Variants in TRIM37 observed in about 807,000 individuals in gnomAD.
TRIM37 encodes the protein tripartite motif containing 37, also known as E3 ubiquitin-protein ligase TRIM37.
TRIM37 carries 80 observed loss-of-function variants against 129.8 expected under a neutral mutation model. The observed-to-expected ratio is 0.62, with a 90% CI of 0.51 to 0.74. The LOEUF (loss-of-function observed/expected upper bound fraction) is 0.74. TRIM37 is among the 30% of genes least tolerant of loss of function. The probability of loss-of-function intolerance (pLI) is 0.00; values close to 1 mark genes in which losing one functional copy is unlikely to be tolerated. For missense variants in TRIM37, 1,054 were observed against 1,176.5 expected (o/e 0.90, Z 1.52); for synonymous variants, 389 against 387.1 (o/e 1.00, Z -0.06).
intron 7 of TRIM37, 28 bp downstream of exon 7, chr17:59,079,726 T>C: frequency 1.2e-6 from 2 of 1,613,366 alleles, no homozygotes; most frequent in Admixed American, 1.7e-5. Flanking sequence ...AAGCACCAGG[T>C]ACCCCAGCAG....
intron 8 of TRIM37, among the ~76,000 whole-genome samples, chr17:59,073,340 C>T (rs1693553640): frequency 6.6e-6 from 1 of 152,076 alleles, no homozygotes; most frequent in African/African-American, 2.4e-5. Flanking sequence ...GTCGCCCAGG[C>T]TGGAGTGCAG....
intron 22 of TRIM37, among the ~76,000 whole-genome samples, chr17:59,004,961 G>C (rs964279394): frequency 1.3e-5 from 2 of 152,214 alleles, no homozygotes; most frequent in African/African-American, 4.8e-5. Flanking sequence ...TTCTAAAAGA[G>C]TGAAGAGTTT....
intron 22 of TRIM37, among the ~76,000 whole-genome samples, chr17:59,009,443 CTT>C (rs61545184): frequency 4.6e-5 from 5 of 107,600 alleles, no homozygotes; most frequent in Admixed American, 1.1e-4. Flanking sequence ...AATTTCTTTT[CTT>C]TTTTTTTTTT....
intron 19 of TRIM37, among the ~76,000 whole-genome samples, chr17:59,021,702 C>T (rs1008264788): frequency 6.6e-6 from 1 of 151,662 alleles, no homozygotes; most frequent in Non-Finnish European, 1.5e-5. Flanking sequence ...ATCTAGTATT[C>T]GTTAGTACAA....
intron 19 of TRIM37, among the ~76,000 whole-genome samples, chr17:59,022,097 G>A (rs1417966848): frequency 6.6e-6 from 1 of 151,920 alleles, no homozygotes; most frequent in Non-Finnish European, 1.5e-5. Context: ...GCATAGAAAA[G>A]GACAAAAACA....
intron 13 of TRIM37, among the ~76,000 whole-genome samples, chr17:59,053,423 G>A (rs113309459): frequency 6.6e-6 from 1 of 152,108 alleles, no homozygotes; most frequent in Admixed American, 6.5e-5. Context: ...TGCTACTATA[G>A]CATTATTTTA....
At chr17:58,972,796 C>T in the TRIM37 span, 2 of 1,511,894 alleles carry the variant, frequency 1.3e-6, no homozygotes, top group Admixed American at 1.7e-5. Flanking sequence ...ATCCTGAATC[C>T]AGTTATTTGC....
intron 13 of TRIM37, among the ~76,000 whole-genome samples, chr17:59,055,062 C>T (rs1038724123): frequency 6.6e-6 from 1 of 151,910 alleles, no homozygotes; most frequent in Non-Finnish European, 1.5e-5. Context: ...TTTGGCCAGA[C>T]GTGGTGGCTC....
chr17:58,969,201 C>T, the TRIM37 span, among the ~76,000 whole-genome samples: 3 of 151,982 alleles, frequency 2.0e-5, no homozygotes, highest in Non-Finnish European at 4.4e-5. Context: ...CCCTCCCTAT[C>T]CCCCCTCCCC....
intron 2 of TRIM37, among the ~76,000 whole-genome samples, chr17:59,101,037 A>G (rs892589828): frequency 2.0e-5 from 3 of 151,614 alleles, no homozygotes; most frequent in African/African-American, 7.3e-5. Context: ...AAAAAAAAAA[A>G]AGAACAAAAC....
At chr17:58,986,785 C>T (rs1168037507) in intron 24 of TRIM37, among the ~76,000 whole-genome samples, 1 of 152,164 alleles carries the variant, frequency 6.6e-6, no homozygotes, top group Non-Finnish European at 1.5e-5. Flanking sequence ...CTGGGATTTA[C>T]AGGTGTGAGA....
intron 2 of TRIM37, among the ~76,000 whole-genome samples, chr17:59,099,421 TC>T (rs1445346700): frequency 1.7e-4 from 26 of 152,130 alleles, no homozygotes; most frequent in Admixed American, 5.9e-4. Context: ...GTACAGACTT[TC>T]TGTTTGGGGT....
intron 5 of TRIM37, among the ~76,000 whole-genome samples, chr17:59,083,615 T>C (rs907686449): frequency 6.6e-6 from 1 of 152,138 alleles, no homozygotes; most frequent in Non-Finnish European, 1.5e-5. Flanking sequence ...AAGATCTAGA[T>C]AGGCGTACTC....
At chr17:59,089,721 G>C (rs954955607) in intron 3 of TRIM37, among the ~76,000 whole-genome samples, 15 of 152,098 alleles carry the variant, frequency 9.9e-5, no homozygotes, top group Non-Finnish European at 2.1e-4. Context: ...CACAACTAGT[G>C]GCTACCATAC....
intron 23 of TRIM37, among the ~76,000 whole-genome samples, chr17:58,999,660 G>GA (rs974684014): frequency 6.6e-6 from 1 of 151,934 alleles, no homozygotes; most frequent in Non-Finnish European, 1.5e-5. Context: ...AAATAAAGGA[G>GA]AAAAAAACAA....
At chr17:58,976,979 T>C in the TRIM37 span, among the ~76,000 whole-genome samples, 32 of 152,284 alleles carry the variant, frequency 2.1e-4, no homozygotes, top group Admixed American at 1.0e-3. Context: ...GAATCCCATA[T>C]TGGATTTTAT....
intron 24 of TRIM37, chr17:58,985,187 T>TTTGTC (rs2031684522): frequency 6.5e-6 from 1 of 152,678 alleles, no homozygotes; most frequent in African/African-American, 2.4e-5. Context: ...CCACTAGTCA[T>TTTGTC]TTGTCTTTTT....
chr17:59,047,966 G>A, intron 15 of TRIM37, 147 bp from the exon 16 acceptor site: 2 of 906,234 alleles, frequency 2.2e-6, no homozygotes, highest in Non-Finnish European at 3.4e-6. Context: ...GCTGAGCCCT[G>A]TAGAGAAAAA....
At position 59,106,531 on chromosome 17, in the gene TRIM37, C is replaced by G; in HGVS notation, c.-70G>C. ...CAGTCTGACCTCTTAGGCGCCGGCC[C>G]GAGGTCGCCAGATCAAATCGCCGAT... is the stretch of plus-strand genomic sequence containing the variant. On this transcript the variant is annotated 5_prime_UTR_variant, in exon 1 of 24. Coordinates refer to ENST00000262294, the MANE Select transcript of TRIM37 (RefSeq NM_015294.6). The G allele has an allele frequency of 1.3e-6, 2 of 1,593,676 alleles. No individual in the cohort carries two copies. The highest frequency in any genetic ancestry group is 1.1e-5 in the South Asian group (1 of 89,370).
Sources: gnomAD v4.1 joint callset for allele counts (sites outside exome capture counted in the v4.1 genomes callset) on GRCh38, gnomAD v4.1.1 for gene constraint, MANE v1.5 for transcripts, NCBI Gene and HGNC (gene_info 2026-07-23, HGNC 2026-07-21) for gene names.